The following DMBT1 variants were observed in gnomAD, a reference collection of about 807,000 sequenced individuals.
DMBT1 encodes the protein deleted in malignant brain tumors 1, also known as scavenger receptor cysteine-rich domain-containing protein DMBT1.
DMBT1 carries 198 observed loss-of-function variants against 252.9 expected under a neutral mutation model. The ratio of observed to expected loss-of-function variants is 0.78; its 90% CI spans 0.70 to 0.88. DMBT1 has a LOEUF of 0.88. DMBT1 is among the 40% of genes least tolerant of loss of function. The pLI, the probability that DMBT1 is intolerant of heterozygous loss-of-function variation, is 0.00. For synonymous variants in DMBT1, 990 were observed against 942.7 expected (o/e 1.05, Z -0.92); for missense variants, 2,432 against 2,404.7 (o/e 1.01, Z -0.24).
chr10:122,633,597 G>A (rs1268558258), intron 52 of DMBT1, among the ~76,000 whole-genome samples: 1 of 152,196 alleles, frequency 6.6e-6, no homozygotes, highest in Non-Finnish European at 1.5e-5. Flanking sequence ...CAAGTCCTAG[G>A]TCTTTCACCA....
chr10:122,597,342 G>A (rs3013249), intron 24 of DMBT1, among the ~76,000 whole-genome samples: 40 of 152,206 alleles, frequency 2.6e-4, no homozygotes, highest in East Asian at 5.8e-4. Context: ...ATTAGCTTTG[G>A]CACTTTTCTA....
intron 2 of DMBT1, among the ~76,000 whole-genome samples, chr10:122,568,839 C>T (rs1381854815): frequency 6.6e-6 from 1 of 152,198 alleles, no homozygotes; most frequent in East Asian, 1.9e-4. Flanking sequence ...ACCTGTCAAG[C>T]TGTCCCCACA....
chr10:122,631,788 T>C (rs2133674814), intron 49 of DMBT1, 67 bp from the exon 50 acceptor site: 5 of 1,571,566 alleles, frequency 3.2e-6, no homozygotes, highest in Non-Finnish European at 4.4e-6. Context: ...TGTATCTCTG[T>C]CTCATTCCGG....
At chr10:122,636,786 T>C (rs536712114) in intron 53 of DMBT1, among the ~76,000 whole-genome samples, 1 of 152,396 alleles carries the variant, frequency 6.6e-6, no homozygotes, top group African/African-American at 2.4e-5. Context: ...TAAAAGACCT[T>C]GTTTCATGAC....
chr10:122,585,340 T>C, intron 15 of DMBT1, 31 bp downstream of exon 15: 1 of 1,578,908 alleles, frequency 6.3e-7, no homozygotes, highest in Non-Finnish European at 8.6e-7. Flanking sequence ...TCCCTAGGGC[T>C]CACTCTCTAC....
chr10:122,560,754 G>C lies in DMBT1; in HGVS notation c.-17G>C. The C allele has an allele frequency of 6.4e-7, 1 of 1,559,856 alleles. No individual in the cohort carries two copies. The highest frequency in any genetic ancestry group is 8.7e-7 in the Non-Finnish European group (1 of 1,150,220). On this transcript the variant is annotated 5_prime_UTR_variant, in exon 1 of 56. Coordinates refer to ENST00000338354, the MANE Select transcript of DMBT1 (RefSeq NM_001377530.1). Reference sequence around the variant, plus strand: ...AATGTCCAGGATTTTCTATTCAATTGAGAAGAACCCAGCAAAATGGGGATC... The same window carrying C: ...AATGTCCAGGATTTTCTATTCAATTCAGAAGAACCCAGCAAAATGGGGATC...
intron 20 of DMBT1, 35 bp downstream of exon 20, chr10:122,592,630 A>G (rs770191685): frequency 2.5e-6 from 4 of 1,586,646 alleles, no homozygotes; most frequent in Non-Finnish European, 3.4e-6. Context: ...CCTCTCCTAG[A>G]CTGGAGTTTG....
chr10:122,617,902 G>T, intron 40 of DMBT1, 115 bp from the exon 41 acceptor site: 1 of 1,526,200 alleles, frequency 6.6e-7, no homozygotes, highest in Non-Finnish European at 8.9e-7. Flanking sequence ...GTATGCAATT[G>T]TGACTGCTTG....
intron 5 of DMBT1, 91 bp from the exon 6 acceptor site, chr10:122,573,624 C>T (rs2097685861): frequency 3.3e-6 from 5 of 1,493,826 alleles, no homozygotes; most frequent in African/African-American, 1.4e-5. Flanking sequence ...CCTGTGCTTC[C>T]AGCCCTTGCT....
intron 18 of DMBT1, 149 bp downstream of exon 18, chr10:122,590,843 G>T (rs2097844158): frequency 5.7e-6 from 6 of 1,052,004 alleles, no homozygotes; most frequent in Non-Finnish European, 7.0e-6. Flanking sequence ...CTAGCATGGA[G>T]CTTCTTAACC....
At chr10:122,579,496 G>A (rs1417694135) in intron 9 of DMBT1, 82 bp from the exon 10 acceptor site, 1 of 1,601,776 alleles carries the variant, frequency 6.2e-7, no homozygotes, top group African/African-American at 1.3e-5. Flanking sequence ...AGTTCATTAG[G>A]AAGTACCCTG....
chr10:122,570,979 A>C (rs750357485), intron 4 of DMBT1, 42 bp downstream of exon 4: 1 of 1,595,312 alleles, frequency 6.3e-7, no homozygotes, highest in East Asian at 2.2e-5. Context: ...TCATTACCCC[A>C]CTGCACCCCT....
chr10:122,640,766 C>T (rs2742219), intron 55 of DMBT1, among the ~76,000 whole-genome samples: 84,131 of 152,036 alleles, frequency 0.55, 25,659 homozygotes, highest in African/African-American at 0.82. Context: ...AGCTGTAAAC[C>T]GTGATCAGAC....
At position 122,640,458 on chromosome 10, in the gene DMBT1, T is replaced by C. The variant is rs372243398; in HGVS notation, c.7352+9T>C. On this transcript the variant is annotated intron_variant, in intron 55 of 55. Transcript: ENST00000338354. Reference sequence around the variant, plus strand: ...GATCTAATCCGGAGTGGGTAAGGAGTGTCTTTATGCGATGGCCTTAAACCT... The same window carrying C: ...GATCTAATCCGGAGTGGGTAAGGAGCGTCTTTATGCGATGGCCTTAAACCT... The C allele has an allele frequency of 3.1e-6, 5 of 1,606,488 alleles. No individual in the cohort carries two copies. Among genetic ancestry groups the C allele is most frequent in the Non-Finnish European group, 3.4e-6 (4 of 1,176,124 alleles).
Position 122,592,701 on chromosome 10 carries a change from C to G in DMBT1, c.2500+106C>G. ...TCACTCAAAGATTCTTCTATGTTTC[C>G]TATATTTATGTAGTCTTGTTAGCTC... On this transcript the variant is annotated intron_variant, in intron 20 of 55. Transcript: ENST00000338354. 2.0e-6 allele frequency: 3 copies of G among 1,527,986 alleles called. 1 individual carries two copies. The highest frequency in any genetic ancestry group is 2.6e-5 in the South Asian group (2 of 77,182). 94.7% of individuals were successfully genotyped at this position (1,527,986 alleles called of 1,614,324 possible).
chr10:122,632,738 G>A (rs1052299996), intron 50 of DMBT1, 123 bp from the exon 51 acceptor site: 1 of 1,302,582 alleles, frequency 7.7e-7, no homozygotes, highest in Non-Finnish European at 1.1e-6. Flanking sequence ...CAAGGGCAAG[G>A]CCTGTGTCCA....
intron 26 of DMBT1, among the ~76,000 whole-genome samples, chr10:122,599,486 T>G (rs2097918684): frequency 6.6e-6 from 1 of 152,120 alleles, no homozygotes; most frequent in Admixed American, 6.5e-5. Context: ...TAAAGATGCT[T>G]GTCTGAAAGT....
At chr10:122,584,637 T>A (rs2097774505) in intron 14 of DMBT1, among the ~76,000 whole-genome samples, 1 of 149,100 alleles carries the variant, frequency 6.7e-6, no homozygotes, top group Non-Finnish European at 1.5e-5. Flanking sequence ...TAAATAGCTT[T>A]GACCCTTTTC....
intron 17 of DMBT1, 34 bp from the exon 18 acceptor site, chr10:122,590,631 T>C (rs1591342542): frequency 6.3e-7 from 1 of 1,586,598 alleles, no homozygotes. Context: ...AGCTTCTGTA[T>C]AGTGCATCTG....
Sources: allele counts gnomAD v4.1 joint callset (sites outside exome capture counted in the v4.1 genomes callset), GRCh38; gene constraint gnomAD v4.1.1; transcripts MANE v1.5; gene names NCBI Gene and HGNC (gene_info 2026-07-23, HGNC 2026-07-21).